The following RBMS3 variants were observed in gnomAD, a reference collection of about 807,000 sequenced individuals.
The protein encoded by RBMS3 is RNA binding motif single stranded interacting protein 3.
RBMS3 carries 27 observed loss-of-function variants against 66.8 expected under a neutral mutation model. That is an observed-to-expected ratio of 0.40 (90% CI 0.30 to 0.56). The LOEUF is 0.56. Ranked by LOEUF, RBMS3 falls within the 20% of genes least tolerant of loss-of-function variation. The pLI is 0.40. For missense variants in RBMS3, 513 were observed against 549.5 expected, an observed-to-expected ratio of 0.93 and a Z score of 0.66; for synonymous variants, 188 against 183.0, an observed-to-expected ratio of 1.03 and a Z score of -0.22.
At chr3:29,581,856 A>G (rs1396892785) in intron 3 of RBMS3, among the ~76,000 whole-genome samples, 1 of 152,164 alleles carries the variant, frequency 6.6e-6, no homozygotes, top group African/African-American at 2.4e-5. Flanking sequence ...CAGGAGTTCT[A>G]GTTTTATCAT....
intron 1 of RBMS3, among the ~76,000 whole-genome samples, chr3:29,411,813 T>G (rs942586093): frequency 3.3e-5 from 5 of 152,178 alleles, no homozygotes; most frequent in Non-Finnish European, 7.4e-5. Flanking sequence ...CACTCACAAA[T>G]AGCAACTGAA....
intron 4 of RBMS3, among the ~76,000 whole-genome samples, chr3:29,735,878 T>C (rs1216649622): frequency 6.6e-6 from 1 of 152,168 alleles, no homozygotes; most frequent in Non-Finnish European, 1.5e-5. Flanking sequence ...TTCCATCTGT[T>C]AGATAACAAG....
At chr3:29,424,440 A>G (rs761098772) in intron 1 of RBMS3, among the ~76,000 whole-genome samples, 1 of 152,204 alleles carries the variant, frequency 6.6e-6, no homozygotes, top group Non-Finnish European at 1.5e-5. Context: ...ATATTAAGGT[A>G]TAGATGCAGA....
chr3:29,300,633 T>C (rs1291593390), intron 1 of RBMS3, among the ~76,000 whole-genome samples: 2 of 152,000 alleles, frequency 1.3e-5, no homozygotes, highest in Admixed American at 6.6e-5. Flanking sequence ...TTTGTTCCTA[T>C]AAAAAATATA....
chr3:29,812,939 C>T (rs138743167), intron 6 of RBMS3, among the ~76,000 whole-genome samples: 101 of 152,064 alleles, frequency 6.6e-4, no homozygotes, highest in East Asian at 6.2e-3. Context: ...AGATGTACAA[C>T]GCACACACAT....
At chr3:29,929,591 T>A (rs73047147) in intron 10 of RBMS3, among the ~76,000 whole-genome samples, 9 of 150,964 alleles carry the variant, frequency 6.0e-5, no homozygotes, top group South Asian at 2.1e-4. Context: ...ATTATAACTT[T>A]AAAAAAAAAT....
intron 10 of RBMS3, among the ~76,000 whole-genome samples, chr3:29,911,962 G>A (rs1188067578): frequency 6.6e-6 from 1 of 151,132 alleles, no homozygotes; most frequent in East Asian, 1.9e-4. Context: ...ATAGAAAAAT[G>A]GAGAAACACA....
chr3:29,327,461 T>C (rs1328978282), intron 1 of RBMS3, among the ~76,000 whole-genome samples: 2 of 152,200 alleles, frequency 1.3e-5, no homozygotes, highest in African/African-American at 2.4e-5. Context: ...GGAGGATAAA[T>C]GACAGTTTTC....
At chr3:29,804,830 A>G (rs537855311) in intron 6 of RBMS3, among the ~76,000 whole-genome samples, 1 of 152,052 alleles carries the variant, frequency 6.6e-6, no homozygotes, top group Non-Finnish European at 1.5e-5. Flanking sequence ...TCTGATGTAT[A>G]AATAAAGATA....
chr3:29,283,607 A>G (rs1232585847), intron 1 of RBMS3, among the ~76,000 whole-genome samples: 1 of 152,088 alleles, frequency 6.6e-6, no homozygotes, highest in Non-Finnish European at 1.5e-5. Flanking sequence ...CGGCATCTGG[A>G]TCTTGTTACT....
intron 4 of RBMS3, among the ~76,000 whole-genome samples, chr3:29,673,787 G>A (rs2051110256): frequency 6.6e-6 from 1 of 152,114 alleles, no homozygotes; most frequent in Admixed American, 6.5e-5. Context: ...AAAAAGTCCA[G>A]GACCAGACGG....
chr3:29,287,448 G>GATACCTAAT, intron 1 of RBMS3, among the ~76,000 whole-genome samples: 1 of 151,916 alleles, frequency 6.6e-6, no homozygotes. Context: ...AAAAGTATTA[G>GATACCTAAT]GCAATAAGAA....
intron 6 of RBMS3, among the ~76,000 whole-genome samples, chr3:29,769,724 T>C (rs572601475): frequency 6.6e-6 from 1 of 151,960 alleles, no homozygotes; most frequent in South Asian, 2.1e-4. Context: ...CTAAATACTC[T>C]TTGGAGTTGT....
chr3:29,569,162 G>A (rs1354205813), intron 3 of RBMS3, among the ~76,000 whole-genome samples: 3 of 152,050 alleles, frequency 2.0e-5, no homozygotes, highest in Non-Finnish European at 4.4e-5. Flanking sequence ...CATTTTCCTA[G>A]TTTTTCAGGT....
At chr3:29,537,234 C>A (rs2045590820) in intron 3 of RBMS3, among the ~76,000 whole-genome samples, 1 of 152,158 alleles carries the variant, frequency 6.6e-6, no homozygotes, top group Non-Finnish European at 1.5e-5. Context: ...GGCACATTTT[C>A]ATTAGTTCCA....
rs970606236 is a variant in RBMS3, at chr3:29,493,764, A to G, written c.307+5265A>G. Reference sequence around the variant, plus strand: ...CTTCGTTTTTGTAAAATAATTCCAGATGAAAATAGTGAAGAATTAGGAGAG... The same window carrying G: ...CTTCGTTTTTGTAAAATAATTCCAGGTGAAAATAGTGAAGAATTAGGAGAG... On this transcript the variant is annotated intron_variant, in intron 3 of 14. Transcript: ENST00000383767. Among the ~76,000 whole-genome samples, 3 of 152,320 alleles carry G rather than the reference A, an allele frequency of 2.0e-5. 1 individual carries two copies.
chr3:29,661,324 C>G (rs1293346815), intron 4 of RBMS3, among the ~76,000 whole-genome samples: 1 of 152,178 alleles, frequency 6.6e-6, no homozygotes, highest in African/African-American at 2.4e-5. Flanking sequence ...TGTATAGAAT[C>G]TCTTTGAGCT....
intron 4 of RBMS3, among the ~76,000 whole-genome samples, chr3:29,654,372 G>C (rs1362602605): frequency 6.6e-6 from 1 of 152,070 alleles, no homozygotes; most frequent in Non-Finnish European, 1.5e-5. Flanking sequence ...ATGTTATCAT[G>C]TAGGCACTAT....
At chr3:29,336,143 A>T (rs1193575871) in intron 1 of RBMS3, among the ~76,000 whole-genome samples, 1 of 152,146 alleles carries the variant, frequency 6.6e-6, no homozygotes, top group Non-Finnish European at 1.5e-5. Flanking sequence ...ATCTAAAAAT[A>T]GTTCTCAAAC....
Sources: allele counts gnomAD v4.1 joint callset (sites outside exome capture counted in the v4.1 genomes callset), GRCh38; gene constraint gnomAD v4.1.1; transcripts MANE v1.5; gene names NCBI Gene and HGNC (gene_info 2026-07-23, HGNC 2026-07-21).